The following ALPK2 variants were observed in gnomAD, a reference collection of about 807,000 sequenced individuals.
The protein encoded by ALPK2 is alpha kinase 2.
A neutral mutation model predicts 163.1 loss-of-function variants in ALPK2; 127 were observed. The ratio of observed to expected loss-of-function variants is 0.78; its 90% CI spans 0.67 to 0.90. ALPK2 has a LOEUF of 0.90. Ranked by LOEUF, ALPK2 falls within the 40% of genes least tolerant of loss-of-function variation. The pLI is 0.00. For synonymous variants in ALPK2, 953 were observed against 959.1 expected (o/e 0.99, Z 0.12); for missense variants, 2,360 against 2,589.6 (o/e 0.91, Z 1.92).
At position 58,611,779 on chromosome 18, in the gene ALPK2, G is replaced by C; in HGVS notation, c.19C>G (p.Pro7Ala). 1.3e-6 allele frequency: 2 copies of C among 1,597,376 alleles called. No homozygotes were observed. Reference protein sequence around the residue: MKDSEGPQRPPLCFLST... With the variant: MKDSEGAQRPPLCFLST... ...AAAAAACACAGCGGGGGCCTCTGGGGCCCTTCGGAGTCTTTCATCCTTTCA... is the reference window on the plus strand; with the variant it reads ...AAAAAACACAGCGGGGGCCTCTGGGCCCCTTCGGAGTCTTTCATCCTTTCA... Residue 7 changes from proline to alanine, a missense_variant, in exon 2 of 13, where the codon CCC becomes GCC. By Grantham distance (27) the Pro-to-Ala change is conservative. Coordinates refer to ENST00000361673, the MANE Select transcript of ALPK2 (RefSeq NM_052947.4).
chr18:58,505,407 C>G (rs2051456828), intron 10 of ALPK2, among the ~76,000 whole-genome samples: 1 of 152,084 alleles, frequency 6.6e-6, no homozygotes, highest in Non-Finnish European at 1.5e-5. Context: ...CAAGCACATC[C>G]ATACTCTCAC....
chr18:58,573,274 GTATA>G (rs1408089974), intron 4 of ALPK2, among the ~76,000 whole-genome samples: 8 of 135,964 alleles, frequency 5.9e-5, no homozygotes. Flanking sequence ...GTATATATAT[GTATA>G]TATGTGTATA....
At chr18:58,554,881 T>C (rs2051781801) in intron 4 of ALPK2, among the ~76,000 whole-genome samples, 1 of 152,220 alleles carries the variant, frequency 6.6e-6, no homozygotes, top group Admixed American at 6.5e-5. Context: ...GGTTTTCCTG[T>C]GCTGTTCTCA....
At chr18:58,565,770 CCTTT>C (rs879522857) in intron 4 of ALPK2, among the ~76,000 whole-genome samples, 1,468 of 80,598 alleles carry the variant, frequency 0.018, 17 homozygotes, top group African/African-American at 0.036. Context: ...TTCCTTCCTT[CCTTT>C]CTTTCTTTCT....
intron 3 of ALPK2, among the ~76,000 whole-genome samples, chr18:58,588,700 C>T (rs139913227): frequency 0.039 from 5,865 of 152,152 alleles, 207 homozygotes; most frequent in Non-Finnish European, 0.053. Context: ...GTTTTCTGTT[C>T]CTGTATTAGT....
chr18:58,565,790 C>T (rs996929629), intron 4 of ALPK2, among the ~76,000 whole-genome samples: 1 of 145,478 alleles, frequency 6.9e-6, no homozygotes, highest in East Asian at 1.9e-4. Context: ...TTTCTTTCTT[C>T]CTTTCTTCCT....
intron 1 of ALPK2, 76 bp from the exon 2 acceptor site, chr18:58,611,893 A>T: frequency 1.0e-6 from 1 of 953,438 alleles, no homozygotes; most frequent in South Asian, 1.7e-5. Flanking sequence ...TCCAGAAACC[A>T]CAGGGTGCCG....
chr18:58,518,429 G>A (rs901745161), intron 8 of ALPK2, among the ~76,000 whole-genome samples: 1 of 152,134 alleles, frequency 6.6e-6, no homozygotes, highest in African/African-American at 2.4e-5. Flanking sequence ...GAAGAAAGAG[G>A]ATATTCCTAA....
chr18:58,554,710 A>T (rs1256093374), intron 4 of ALPK2, among the ~76,000 whole-genome samples: 1 of 152,168 alleles, frequency 6.6e-6, no homozygotes. Context: ...GATTCAAAGG[A>T]TCTGGCCTGG....
intron 12 of ALPK2, among the ~76,000 whole-genome samples, chr18:58,496,489 C>T (rs1351180648): frequency 2.6e-5 from 4 of 152,188 alleles, no homozygotes; most frequent in Non-Finnish European, 5.9e-5. Context: ...TTTGTGCAAT[C>T]GGCGAGAACT....
At chr18:58,526,105 T>C (rs532608652) in intron 6 of ALPK2, among the ~76,000 whole-genome samples, 1 of 151,496 alleles carries the variant, frequency 6.6e-6, no homozygotes, top group Non-Finnish European at 1.5e-5. Flanking sequence ...ACCAAGAGGG[T>C]AAGTTCAGTT....
At position 58,481,837 on chromosome 18, in the gene ALPK2, C is replaced by T. The variant is rs543965909; in HGVS notation, c.6499G>A (p.Glu2167Lys). Reference protein sequence around the residue: ...IKKAGPETPGEKKT With the variant: ...IKKAGPETPGKKKT ...ACCCAGGGACGTTAGGTTTTCTTTT[C>T]GCCTGGGGTCTCAGGCCCTGCCTTC... The change falls in exon 13 of 13, where the codon GAA becomes AAA. Residue 2167 changes from glutamate (E) to lysine (K), a missense_variant. Transcript: ENST00000361673. 3.0e-5 allele frequency: 49 copies of T among 1,613,968 alleles called. No individual in the cohort carries two copies. In the South Asian group the frequency reaches 3.7e-4, roughly 12 times the overall value.
Position 58,579,025 on chromosome 18 carries a change from G to C in ALPK2, c.1751C>G (p.Ser584Cys), listed in dbSNP as rs144640567. The change falls in exon 4 of 13, where the codon TCT (serine) becomes TGT (cysteine). Residue 584 changes from serine to cysteine, a missense_variant. Ser to Cys is a moderately radical substitution (Grantham distance 112). Transcript: ENST00000361673. The part of the protein sequence containing the change: ...PLTQSDKRET[S>C]HTTAAATGRS... ...ACCAGTCGCTGCTGCTGTGGTGTGA[G>C]AAGTCTCTCTTTTATCACTCTGGGT... 1.2e-6 allele frequency: 2 copies of C among 1,614,214 alleles called. No individual in the cohort carries two copies. The highest frequency in any genetic ancestry group is 1.7e-6 in the Non-Finnish European group (2 of 1,180,038).
chr18:58,546,894 C>T (rs1329781658), intron 4 of ALPK2, among the ~76,000 whole-genome samples: 1 of 152,148 alleles, frequency 6.6e-6, no homozygotes, highest in Non-Finnish European at 1.5e-5. Flanking sequence ...TTGAATTCCA[C>T]TAGGCATTTC....
At position 58,481,816 on chromosome 18, in the gene ALPK2, A is replaced by G. The variant is rs3744867; in HGVS notation, c.*7T>C. 0.42 allele frequency: 679,760 copies of G among 1,609,700 alleles called. 145,830 individuals carry two copies. Among genetic ancestry groups the G allele is most frequent in the Middle Eastern group, 0.48 (2,928 of 6,052 alleles). ...CTAGCCAGTGGCCATTAGGTTACCC[A>G]GGGACGTTAGGTTTTCTTTTCGCCT... On this transcript the variant is annotated 3_prime_UTR_variant, in exon 13 of 13. Coordinates refer to ENST00000361673, the MANE Select transcript of ALPK2 (RefSeq NM_052947.4).
chr18:58,538,944 TCC>T (rs1346387784), intron 4 of ALPK2, among the ~76,000 whole-genome samples: 1 of 146,330 alleles, frequency 6.8e-6, no homozygotes, highest in African/African-American at 2.5e-5. Flanking sequence ...AAATGCCAGC[TCC>T]CCTCTGCCTC....
intron 12 of ALPK2, among the ~76,000 whole-genome samples, chr18:58,482,263 C>T (rs2144090243): frequency 6.6e-6 from 1 of 152,104 alleles, no homozygotes; most frequent in Non-Finnish European, 1.5e-5. Context: ...CAGTGATGAT[C>T]AAAGGTCTTG....
At chr18:58,550,826 T>C (rs1256751463) in intron 4 of ALPK2, among the ~76,000 whole-genome samples, 1 of 135,020 alleles carries the variant, frequency 7.4e-6, no homozygotes, top group Non-Finnish European at 1.6e-5. Context: ...ATCTCCATCA[T>C]ATACAACTCC....
chr18:58,626,644 T>A (rs531463536), intron 1 of ALPK2, among the ~76,000 whole-genome samples: 1 of 152,358 alleles, frequency 6.6e-6, no homozygotes, highest in African/African-American at 2.4e-5. Flanking sequence ...TCTCTACTTC[T>A]GCTTTTAGAT....
Sources: allele counts gnomAD v4.1 joint callset (sites outside exome capture counted in the v4.1 genomes callset), GRCh38; gene constraint gnomAD v4.1.1; transcripts MANE v1.5; gene names NCBI Gene and HGNC (gene_info 2026-07-23, HGNC 2026-07-21).